Variants in ITGA4 observed in about 807,000 individuals in gnomAD.
ITGA4 encodes integrin subunit alpha 4.
A neutral mutation model predicts 133.6 loss-of-function variants in ITGA4; 63 were observed. That is an observed-to-expected ratio of 0.47 (90% confidence interval 0.38 to 0.58). The LOEUF (loss-of-function observed/expected upper bound fraction) is 0.58. ITGA4 is among the 20% of genes least tolerant of loss of function. The pLI is 0.00. For synonymous variants in ITGA4, 483 were observed against 438.0 expected (o/e 1.10, Z -1.28); for missense variants, 1,076 against 1,252.7 (o/e 0.86, Z 2.13).
At chr2:181,524,577 A>G (rs1388833262) in intron 20 of ITGA4, among the ~76,000 whole-genome samples, 4 of 152,178 alleles carry the variant, frequency 2.6e-5, no homozygotes, top group Admixed American at 2.6e-4. Context: ...TGACTTCCAT[A>G]GATATGTCTC....
intron 15 of ITGA4, among the ~76,000 whole-genome samples, chr2:181,500,076 G>A (rs13029478): frequency 0.97 from 147,810 of 152,276 alleles, 71,895 homozygotes; most frequent in East Asian, 1. Context: ...GATGGTAGCA[G>A]GATTCAGCCA....
chr2:181,465,487 A>G (rs1445226732), intron 2 of ITGA4, among the ~76,000 whole-genome samples: 1 of 152,010 alleles, frequency 6.6e-6, no homozygotes, highest in Non-Finnish European at 1.5e-5. Context: ...AATACTGACC[A>G]CCAAGCATAT....
intron 9 of ITGA4, among the ~76,000 whole-genome samples, chr2:181,484,889 G>A (rs1042073610): frequency 1.3e-5 from 2 of 152,202 alleles, no homozygotes; most frequent in Admixed American, 6.5e-5. Context: ...GAAGACACTT[G>A]ACAAAGAGCA....
chr2:181,529,321 TAGA>T (rs1474780814), intron 22 of ITGA4, among the ~76,000 whole-genome samples: 7 of 152,196 alleles, frequency 4.6e-5, no homozygotes, highest in African/African-American at 9.6e-5. Context: ...ATACCAAAAC[TAGA>T]AGGTTAGAAA....
chr2:181,524,973 T>A (rs534138285), intron 20 of ITGA4, among the ~76,000 whole-genome samples: 72 of 146,246 alleles, frequency 4.9e-4, no homozygotes, highest in Non-Finnish European at 7.6e-4. Context: ...AAAAAAAAAA[T>A]TCCTCTATCT....
At chr2:181,480,885 C>A (rs1051725643) in intron 6 of ITGA4, among the ~76,000 whole-genome samples, 4 of 152,124 alleles carry the variant, frequency 2.6e-5, no homozygotes, top group African/African-American at 4.8e-5. Flanking sequence ...ATCTGTATTT[C>A]AACAGAAATG....
intron 2 of ITGA4, chr2:181,459,414 A>G (rs1685212440): frequency 6.6e-6 from 1 of 151,872 alleles, no homozygotes; most frequent in South Asian, 2.1e-4. Context: ...TGGACTTTTG[A>G]GATTAGTTAT....
intron 10 of ITGA4, among the ~76,000 whole-genome samples, chr2:181,490,802 C>T (rs1255110931): frequency 1.2e-4 from 19 of 152,046 alleles, no homozygotes; most frequent in Admixed American, 1.2e-3. Flanking sequence ...GGTAAATCTG[C>T]ACAAAGTCCA....
chr2:181,457,651 G>A lies in ITGA4; in HGVS notation c.-4G>A, dbSNP rs200535197. ...TAGTGTTGAATGTTCCCCACCGAGA[G>A]CGCATGGCTTGGGAAGCGAGGCGCG... On this transcript the variant is annotated 5_prime_UTR_variant, in exon 1 of 28. Coordinates refer to ENST00000397033, the MANE Select transcript of ITGA4 (RefSeq NM_000885.6). 5 of 1,609,102 alleles carry A rather than the reference G, an allele frequency of 3.1e-6. No homozygotes were observed. Among genetic ancestry groups the A allele is most frequent in the Non-Finnish European group, 4.2e-6 (5 of 1,178,906 alleles).
chr2:181,515,039 A>G (rs1401776563), intron 17 of ITGA4, among the ~76,000 whole-genome samples: 1 of 152,106 alleles, frequency 6.6e-6, no homozygotes, highest in Non-Finnish European at 1.5e-5. Flanking sequence ...GATGCTTGAA[A>G]GAAATGCAGA....
chr2:181,525,441 T>G (rs1197670963), intron 21 of ITGA4, 150 bp downstream of exon 21: 11 of 563,574 alleles, frequency 2.0e-5, no homozygotes, highest in Non-Finnish European at 3.5e-5. Context: ...TATAGTCCCT[T>G]ACTTAGCTGT....
intron 11 of ITGA4, among the ~76,000 whole-genome samples, chr2:181,493,842 T>C (rs1374904779): frequency 6.6e-6 from 1 of 152,172 alleles, no homozygotes; most frequent in African/African-American, 2.4e-5. Flanking sequence ...CACTGTTGAG[T>C]AGTAAGATGA....
rs1232642015 is a variant in ITGA4 at position 181,529,566 on chromosome 2, C to T, written c.2456C>T (p.Ala819Val). Residue 819 changes from alanine (A) to valine (V), a missense_variant, in exon 23 of 28, where the codon GCT (alanine) becomes GTT (valine). Ala to Val is a moderately conservative substitution (Grantham distance 64). Coordinates refer to ENST00000397033, the MANE Select transcript of ITGA4 (RefSeq NM_000885.6). ...GTTATCAACACTGGCAATAGTATGG[C>T]TCCCAATGTTAGTGTGGAAATAATG... Reference protein sequence around the residue: ...FHVINTGNSMAPNVSVEIMVP... With the variant: ...FHVINTGNSMVPNVSVEIMVP... The T allele has an allele frequency of 6.2e-7, 1 of 1,605,564 alleles. No individual in the cohort carries two copies. The highest frequency in any genetic ancestry group is 8.5e-7 in the Non-Finnish European group (1 of 1,172,628).
In ITGA4 at chr2:181,535,517, A is replaced by T; in HGVS notation, c.3089A>T (p.Asn1030Ile). ...TGGAGTTATATCAACAGTAAAAGCA[A>T]TGATGATTAAGGACTTCTTTCAAAT... is the stretch of plus-strand genomic sequence containing the variant. ...DSWSYINSKS[N>I]DD The change falls in exon 28 of 28, where the codon AAT (asparagine) becomes ATT (isoleucine). Residue 1030 changes from asparagine to isoleucine, a missense_variant. This residue lies in a region of ITGA4 where 193 missense variants were observed against 172.3 expected (regional missense o/e 1.12). Coordinates refer to ENST00000397033, the MANE Select transcript of ITGA4 (RefSeq NM_000885.6). 1.2e-6 allele frequency: 2 copies of T among 1,607,784 alleles called. No individual in the cohort carries two copies.
At position 181,535,816 on chromosome 2, in the gene ITGA4, TTGAAA is replaced by T. The variant is rs375750444; in HGVS notation, c.*295_*299del. On this transcript the variant is annotated 3_prime_UTR_variant, in exon 28 of 28. Transcript: ENST00000397033. ...AGAAAAGTAAGCCCTTGAAGATATC[TTGAAA>T]TGAAAGTATAACTGAGTTAAATTAT... 4.4e-4 allele frequency: 96 copies of T among 218,090 alleles called. 1 individual carries two copies. The highest frequency in any genetic ancestry group is 2.1e-3 in the African/African-American group (91 of 44,126). The allele number at this position is 218,090 out of a possible 1,614,324, so 13.5% of individuals were successfully genotyped here.
At chr2:181,488,571 T>A (rs1419387330) in intron 10 of ITGA4, among the ~76,000 whole-genome samples, 2 of 152,068 alleles carry the variant, frequency 1.3e-5, no homozygotes, top group African/African-American at 2.4e-5. Context: ...ATTTTATTTT[T>A]TTTTTGAGAT....
At chr2:181,509,328 G>C (rs1686458262) in intron 15 of ITGA4, among the ~76,000 whole-genome samples, 1 of 151,946 alleles carries the variant, frequency 6.6e-6, no homozygotes, top group Admixed American at 6.6e-5. Flanking sequence ...AGTTTATCAT[G>C]AAAAATGCTT....
intron 17 of ITGA4, among the ~76,000 whole-genome samples, chr2:181,514,617 G>C (rs1686571126): frequency 7.1e-6 from 1 of 140,500 alleles, no homozygotes; most frequent in African/African-American, 2.5e-5. Context: ...AATTATCTTG[G>C]TGTTTTTACC....
rs563061887 is a variant in ITGA4, at chr2:181,459,087, C to T, written c.319+770C>T. 4 of 152,288 alleles carry T rather than the reference C, an allele frequency of 2.6e-5. No homozygotes were observed. In the South Asian group the frequency reaches 8.3e-4, roughly 32 times the overall value. 9.4% of individuals were successfully genotyped at this position (152,288 alleles called of 1,614,324 possible). A position where few individuals can be genotyped will look rare whatever the true frequency, so the allele number is the denominator to read the frequency against. ...CCTATCTTGTTCCAAAGTGTTACTG[C>T]TATATATATTGCTTAACTTTTTTCC... is the stretch of plus-strand genomic sequence containing the variant. On this transcript the variant is annotated intron_variant, in intron 2 of 27. Transcript: ENST00000397033.
Sources: gnomAD v4.1 joint callset for allele counts (sites outside exome capture counted in the v4.1 genomes callset) on GRCh38, gnomAD v4.1.1 for gene constraint, gnomAD v4.1.1 regional missense constraint, MANE v1.5 for transcripts, NCBI Gene and HGNC (gene_info 2026-07-23, HGNC 2026-07-21) for gene names.